Variants in SEMA3F observed in about 807,000 individuals in gnomAD.
SEMA3F encodes the protein semaphorin-3F.
Under a neutral mutation model 98.5 loss-of-function variants are expected in SEMA3F, and 30 were observed. The ratio of observed to expected loss-of-function variants is 0.30; its 90% confidence interval spans 0.23 to 0.41. The LOEUF is 0.41. Ranked by LOEUF, SEMA3F falls within the 10% of genes least tolerant of loss-of-function variation. The pLI, the probability that SEMA3F is intolerant of heterozygous loss-of-function variation, is 1.00. For synonymous variants in SEMA3F, 380 were observed against 444.8 expected (o/e 0.85, Z 1.83); for missense variants, 866 against 1,119.3 (o/e 0.77, Z 3.23).
chr3:50,177,917 A>G (rs1698874887), intron 7 of SEMA3F, among the ~76,000 whole-genome samples: 1 of 152,138 alleles, frequency 6.6e-6, no homozygotes, highest in Non-Finnish European at 1.5e-5. Flanking sequence ...TTAAACATTA[A>G]AACAAAGGTA....
rs757375394 is a variant in SEMA3F at position 50,182,966 on chromosome 3, C to G, written c.966C>G (p.Leu322=). ...GGAGCACATTCCTGAAGGCGCGGCT[C>G]GTCTGCTCTGTCCCGGGCGAGGATG... ...NKWSTFLKAR[L]VCSVPGEDGI... The change falls in exon 10 of 19, where the codon CTC becomes CTG. Residue 322 remains leucine (L), a synonymous_variant. Transcript: ENST00000002829. The surrounding 1 kb of genome is among the most constrained non-coding windows in gnomAD (Gnocchi z 4.5). 1 of 1,613,864 alleles carries G rather than the reference C, an allele frequency of 6.2e-7. No individual in the cohort carries two copies. The highest frequency in any genetic ancestry group is 8.5e-7 in the Non-Finnish European group (1 of 1,180,034).
At position 50,176,869 on chromosome 3, in the gene SEMA3F, C is replaced by T. The variant is rs1408412162; in HGVS notation, c.643+8C>T. 4 of 1,603,164 alleles carry T rather than the reference C, an allele frequency of 2.5e-6. No homozygotes were observed. The highest frequency in any genetic ancestry group is 2.2e-5 in the East Asian group (1 of 44,822). On this transcript the variant is annotated splice_region_variant and intron_variant, in intron 7 of 18. Transcript: ENST00000002829. ...CAGCATCGGCCCTCATCAGTGAGTG[C>T]CCCCCAACCCCGCTCTACAGTCTCA...
In SEMA3F at chr3:50,182,252, G is replaced by GC. The variant is rs747227662; in HGVS notation, c.644-26dup. 1.9e-6 allele frequency: 3 copies of GC among 1,613,840 alleles called. No individual in the cohort carries two copies. Among genetic ancestry groups the GC allele is most frequent in the Non-Finnish European group, 8.5e-7 (1 of 1,179,982 alleles). On this transcript the variant is annotated intron_variant, in intron 7 of 18. Transcript: ENST00000002829. This position sits in a 1 kb window ranked among gnomAD's most constrained non-coding sequence, Gnocchi z 4.5. ...TGTGCCCTGGCCCTAGCAAACAGCA[G>GC]CCCCCCAACTGACCCACTGGCCTAC...
rs751272757 is a variant in SEMA3F, at chr3:50,174,128, G to GATCCACAGGTGGGAAGGGGGA, written c.336+32_336+52dup. ...AAGGATGTCAACGTGAGTTTGGTGG[G>GATCCACAGGTGGGAAGGGGGA]ATCCACAGGTGGGAAGGGGGAATCC... is the stretch of plus-strand genomic sequence containing the variant. On this transcript the variant is annotated intron_variant, in intron 4 of 18. Coordinates refer to ENST00000002829, the MANE Select transcript of SEMA3F (RefSeq NM_004186.5). The GATCCACAGGTGGGAAGGGGGA allele has an allele frequency of 5.0e-6, 8 of 1,614,094 alleles. No individual in the cohort carries two copies. The highest frequency in any genetic ancestry group is 6.8e-6 in the Non-Finnish European group (8 of 1,179,984).
At chr3:50,173,694 T>G (rs2109087115) in intron 2 of SEMA3F, 99 bp from the exon 3 acceptor site, 1 of 1,027,066 alleles carries the variant, frequency 9.7e-7, no homozygotes, top group African/African-American at 1.6e-5. Context: ...GTGGGGGTCC[T>G]GAGGGGAACC....
Position 50,186,686 on chromosome 3 carries a change from C to T in SEMA3F, c.1887C>T (p.Arg629=), listed in dbSNP as rs1437544086. ...CAGCCTTCCTTGAGTGCCAGCCCCGCTCGCCCCAAGCCACTGTTAAGTGGC... is the reference window on the plus strand; with the variant it reads ...CAGCCTTCCTTGAGTGCCAGCCCCGTTCGCCCCAAGCCACTGTTAAGTGGC... ...GSAAFLECQP[R]SPQATVKWLF... Residue 629 remains arginine, a synonymous_variant, in exon 18 of 19, where the codon CGC becomes CGT. Coordinates refer to ENST00000002829, the MANE Select transcript of SEMA3F (RefSeq NM_004186.5). 6.2e-7 allele frequency: 1 copy of T among 1,610,628 alleles called. No homozygotes were observed. The highest frequency in any genetic ancestry group is 8.5e-7 in the Non-Finnish European group (1 of 1,177,680).
chr3:50,168,768 AC>A (rs370700091), intron 2 of SEMA3F, among the ~76,000 whole-genome samples: 1,600 of 152,162 alleles, frequency 0.011, 17 homozygotes, highest in Middle Eastern at 0.017. Context: ...TCCGGTAGGG[AC>A]CACCTGGGCC....
rs1252443724 is a variant in SEMA3F, at chr3:50,166,248, T to A, written c.112+6514T>A. On this transcript the variant is annotated intron_variant, in intron 2 of 18. Transcript: ENST00000002829. The surrounding 1 kb of genome is among the most constrained non-coding windows in gnomAD (Gnocchi z 4.7). ...CACTTGGGGCTCGGTGCTGATGCCC[T>A]CATTTCCCCCGGCCAGAGTCCACTG... Among the ~76,000 whole-genome samples the A allele has an allele frequency of 6.6e-6, 1 of 152,260 alleles. No homozygotes were observed.
At position 50,183,036 on chromosome 3, in the gene SEMA3F, A is replaced by C. The variant is rs1188342080; in HGVS notation, c.1018+18A>C. On this transcript the variant is annotated intron_variant, in intron 10 of 18. Coordinates refer to ENST00000002829, the MANE Select transcript of SEMA3F (RefSeq NM_004186.5). ...TGAGCTCCGTGAGTGCCCAGCAGGC[A>C]GGCAGGGTGCTCTGGCTACAGCAAG... 3 of 1,605,920 alleles carry C rather than the reference A, an allele frequency of 1.9e-6. No individual in the cohort carries two copies. Among genetic ancestry groups the C allele is most frequent in the East Asian group, 2.2e-5 (1 of 44,860 alleles).
At chr3:50,186,796 T>C in intron 18 of SEMA3F, 50 bp downstream of exon 18, 1 of 1,502,840 alleles carries the variant, frequency 6.7e-7, no homozygotes. Flanking sequence ...CCTTGCACAG[T>C]GGTGAAATGT....
At chr3:50,168,209 C>G (rs2624838) in intron 2 of SEMA3F, among the ~76,000 whole-genome samples, 63,998 of 151,674 alleles carry the variant, frequency 0.42, 14,771 homozygotes, top group East Asian at 0.61. Flanking sequence ...GGCAGATCTC[C>G]AGGGGCTTAG....
intron 18 of SEMA3F, 76 bp from the exon 19 acceptor site, chr3:50,187,629 G>T (rs564716454): frequency 7.7e-7 from 1 of 1,302,750 alleles, no homozygotes; most frequent in African/African-American, 1.5e-5. Context: ...GGCCACAAAG[G>T]TGGTCTGATC....
intron 5 of SEMA3F, 137 bp downstream of exon 5, chr3:50,174,487 C>T (rs1022102002): frequency 2.9e-6 from 3 of 1,043,674 alleles, no homozygotes; most frequent in African/African-American, 1.6e-5. Flanking sequence ...TCTTTCACCT[C>T]GCTGAGCCTC....
chr3:50,172,268 C>G (rs1698642202), intron 2 of SEMA3F, among the ~76,000 whole-genome samples: 1 of 152,176 alleles, frequency 6.6e-6, no homozygotes, highest in East Asian at 1.9e-4. Flanking sequence ...TGCATGCACT[C>G]TTCTGTGTGC....
intron 7 of SEMA3F, among the ~76,000 whole-genome samples, chr3:50,180,709 T>C (rs1197262362): frequency 6.6e-6 from 1 of 152,124 alleles, no homozygotes; most frequent in Non-Finnish European, 1.5e-5. Flanking sequence ...ATAATTGCAA[T>C]AGTAACATCA....
chr3:50,176,842 C>T lies in SEMA3F; in HGVS notation c.624C>T (p.Asp208=). ...AGTGTCCGTACGATCCCAAGCTGGACACAGCATCGGCCCTCATCAGTGAGT... is the reference window on the plus strand; with the variant it reads ...AGTGTCCGTACGATCCCAAGCTGGATACAGCATCGGCCCTCATCAGTGAGT... ...KGKCPYDPKL[D]TASALINEEL... The change falls in exon 7 of 19, where the codon GAC becomes GAT. Residue 208 remains aspartate, a synonymous_variant. Transcript: ENST00000002829. 6.2e-7 allele frequency: 1 copy of T among 1,613,664 alleles called. No individual in the cohort carries two copies. The highest frequency in any genetic ancestry group is 8.5e-7 in the Non-Finnish European group (1 of 1,179,880).
chr3:50,167,997 C>G (rs144691481), intron 2 of SEMA3F, among the ~76,000 whole-genome samples: 2 of 152,168 alleles, frequency 1.3e-5, no homozygotes, highest in African/African-American at 4.8e-5. Context: ...TAAAAACACG[C>G]GGAGTCATTT....
In SEMA3F at chr3:50,181,169, C is replaced by A. The variant is rs190116541; in HGVS notation, c.644-1115C>A. On this transcript the variant is annotated intron_variant, in intron 7 of 18. Coordinates refer to ENST00000002829, the MANE Select transcript of SEMA3F (RefSeq NM_004186.5). Reference sequence around the variant, plus strand: ...ATGGTGCTAACAGACTTGCTTGACACAGGGTTGCCACAAACCTTCCTTCTG... The same window carrying A: ...ATGGTGCTAACAGACTTGCTTGACAAAGGGTTGCCACAAACCTTCCTTCTG... Among the ~76,000 whole-genome samples the A allele has an allele frequency of 2.0e-5, 3 of 152,160 alleles. No homozygotes were observed. The East Asian group carries it at 5.8e-4, about 29-fold the overall frequency.
At chr3:50,181,800 A>G (rs1699028001) in intron 7 of SEMA3F, among the ~76,000 whole-genome samples, 1 of 152,000 alleles carries the variant, frequency 6.6e-6, no homozygotes, top group Non-Finnish European at 1.5e-5. Flanking sequence ...TCTGTATTTT[A>G]GTATAGGTAG....
Sources: gnomAD v4.1 joint callset for allele counts (sites outside exome capture counted in the v4.1 genomes callset) on GRCh38, gnomAD v4.1.1 for gene constraint, Gnocchi (gnomAD v3.1) non-coding constraint, MANE v1.5 for transcripts, NCBI Gene and HGNC (gene_info 2026-07-23, HGNC 2026-07-21) for gene names.